Variants in CLVS1 observed in about 807,000 individuals in gnomAD.
CLVS1 encodes the protein clavesin-1.
In CLVS1, 10 loss-of-function variants were observed where a neutral mutation model predicts 33.1. The observed-to-expected ratio is 0.30, with a 90% confidence interval of 0.19 to 0.51. The LOEUF is 0.51. Ranked by LOEUF, CLVS1 falls within the 20% of genes least tolerant of loss-of-function variation. The pLI is 0.97. For synonymous variants in CLVS1, 163 were observed against 166.1 expected (o/e 0.98, Z 0.14); for missense variants, 343 against 433.4 (o/e 0.79, Z 1.85).
intron 2 of CLVS1, among the ~76,000 whole-genome samples, chr8:61,332,952 T>C (rs1306959371): frequency 6.6e-6 from 1 of 152,252 alleles, no homozygotes; most frequent in Non-Finnish European, 1.5e-5. Flanking sequence ...CCAAGCTTCA[T>C]CTTCCATCTT....
At chr8:61,343,967 A>T (rs1812114076) in intron 2 of CLVS1, among the ~76,000 whole-genome samples, 1 of 152,184 alleles carries the variant, frequency 6.6e-6, no homozygotes, top group Non-Finnish European at 1.5e-5. Context: ...AACATGATAT[A>T]CATACATACA....
In CLVS1 at chr8:61,232,025, T is replaced by G. The variant is rs1463430202; in HGVS notation, c.-151-67652T>G. On this transcript the variant is annotated intron_variant, in intron 2 of 2. Coordinates refer to the CLVS1 transcript ENST00000522621. ...AAGGAGCCCTGAGGAAAGTTGTGGT[T>G]TTTTTTTTTTTTTTTTTTTTTTTTT... is the stretch of plus-strand genomic sequence containing the variant. 1.1e-4 allele frequency among the ~76,000 whole-genome samples: 12 copies of G among 105,652 alleles called. 1 individual carries two copies. The highest frequency in any genetic ancestry group is 4.7e-4 in the African/African-American group (12 of 25,364). The allele number at this position is 105,652 out of a possible 152,430, so 69.3% of individuals were successfully genotyped here. A position where few individuals can be genotyped will look rare whatever the true frequency, so the allele number is the denominator to read the frequency against.
intron 2 of CLVS1, chr8:61,203,052 C>T (rs1807770251): frequency 3.1e-6 from 4 of 1,308,374 alleles, no homozygotes; most frequent in Non-Finnish European, 4.4e-6. Context: ...ACTCCTAAAA[C>T]ACCAAAAGGA....
In CLVS1 at chr8:61,500,450, A is replaced by G. The variant is rs1195098565; in HGVS notation, c.*908A>G. On this transcript the variant is annotated 3_prime_UTR_variant, in exon 6 of 6. Transcript: ENST00000325897. ...CTGCAACCATTAAAGATGTGGAGAA[A>G]GACCATGGTTGTTGCTGAGAGGGTA... 2 of 152,204 alleles carry G rather than the reference A, an allele frequency of 1.3e-5. No homozygotes were observed. Among genetic ancestry groups the G allele is most frequent in the Non-Finnish European group, 2.9e-5 (2 of 68,022 alleles). The allele number at this position is 152,204 out of a possible 1,614,324, so 9.4% of individuals were successfully genotyped here.
intron 5 of CLVS1, among the ~76,000 whole-genome samples, chr8:61,468,825 C>T (rs1163755785): frequency 6.6e-6 from 1 of 151,278 alleles, no homozygotes; most frequent in Non-Finnish European, 1.5e-5. Context: ...AAGAGAAACT[C>T]ACAGTCTGAT....
chr8:61,449,697 T>C (rs1008756556), intron 3 of CLVS1, among the ~76,000 whole-genome samples: 6 of 152,200 alleles, frequency 3.9e-5, no homozygotes, highest in Non-Finnish European at 5.9e-5. Flanking sequence ...TCTGCACCAG[T>C]TGGTTTTTCC....
intron 5 of CLVS1, among the ~76,000 whole-genome samples, chr8:61,466,889 T>C (rs1450956535): frequency 1.3e-5 from 2 of 152,154 alleles, no homozygotes; most frequent in East Asian, 1.9e-4. Flanking sequence ...TCTCAGGTGA[T>C]CCACCTGCCT....
In CLVS1 at chr8:61,501,606, A is replaced by G. The variant is rs898678182; in HGVS notation, c.*2064A>G. 6.6e-6 allele frequency: 1 copy of G among 152,192 alleles called. No individual in the cohort carries two copies. The highest frequency in any genetic ancestry group is 2.4e-5 in the African/African-American group (1 of 41,458). The allele number at this position is 152,192 out of a possible 1,614,324, so 9.4% of individuals were successfully genotyped here. ...CCCTTGTCAGTTATTTCCTCTGTTC[A>G]ATAAATACTGAAGGTCACAAACACC... On this transcript the variant is annotated 3_prime_UTR_variant, in exon 6 of 6. Transcript: ENST00000325897.
intron 3 of CLVS1, chr8:61,377,931 A>T (rs1813711425): frequency 6.6e-6 from 1 of 152,166 alleles, no homozygotes; most frequent in African/African-American, 2.4e-5. Context: ...TTGCTTTTGA[A>T]TGTACAGACT....
chr8:61,444,696 C>T (rs1816689268), intron 3 of CLVS1, among the ~76,000 whole-genome samples: 1 of 152,094 alleles, frequency 6.6e-6, no homozygotes, highest in Non-Finnish European at 1.5e-5. Flanking sequence ...CAGGAGGCAG[C>T]GGAGTGAGTA....
chr8:61,427,149 C>T (rs1451400769), intron 3 of CLVS1, among the ~76,000 whole-genome samples: 1 of 152,130 alleles, frequency 6.6e-6, no homozygotes, highest in Non-Finnish European at 1.5e-5. Context: ...TCTTAAAGAA[C>T]TTTAAAGGAG....
At chr8:61,035,604 T>C in the CLVS1 span, among the ~76,000 whole-genome samples, 1 of 152,168 alleles carries the variant, frequency 6.6e-6, no homozygotes, top group Non-Finnish European at 1.5e-5. Context: ...GGAAGCTCTG[T>C]TTAGTGTAAT....
chr8:61,402,079 T>C (rs1368172755), intron 3 of CLVS1, among the ~76,000 whole-genome samples: 6 of 152,082 alleles, frequency 3.9e-5, no homozygotes, highest in Non-Finnish European at 7.4e-5. Context: ...GGTAAATTGA[T>C]GGACAGACAG....
At chr8:61,174,352 C>G (rs1187091908) in intron 2 of CLVS1, among the ~76,000 whole-genome samples, 2 of 152,140 alleles carry the variant, frequency 1.3e-5, no homozygotes, top group Non-Finnish European at 2.9e-5. Flanking sequence ...AGGAGAATCA[C>G]TTGAACCTGG....
At chr8:61,100,372 T>C (rs1323972036) in intron 1 of CLVS1, among the ~76,000 whole-genome samples, 2 of 152,138 alleles carry the variant, frequency 1.3e-5, no homozygotes, top group Admixed American at 6.5e-5. Flanking sequence ...AGTGAATAAG[T>C]CCCAGCACTA....
chr8:61,195,299 GGAGAGAGA>G (rs138426810), intron 2 of CLVS1, among the ~76,000 whole-genome samples: 2 of 150,522 alleles, frequency 1.3e-5, no homozygotes, highest in Non-Finnish European at 3.0e-5. Context: ...AGAGATTGGG[GGAGAGAGA>G]GAGAGAGAGA....
chr8:61,462,262 G>A (rs1817393838), intron 5 of CLVS1, among the ~76,000 whole-genome samples: 1 of 152,168 alleles, frequency 6.6e-6, no homozygotes, highest in Non-Finnish European at 1.5e-5. Context: ...TTCTAGAATG[G>A]CATCCAGAAT....
the CLVS1 span, among the ~76,000 whole-genome samples, chr8:61,003,986 G>T: frequency 2.6e-5 from 4 of 152,172 alleles, no homozygotes; most frequent in South Asian, 2.1e-4. Flanking sequence ...CTCATTTGAG[G>T]GGGTGGCATT....
intron 2 of CLVS1, among the ~76,000 whole-genome samples, chr8:61,196,647 C>A (rs1015246027): frequency 5.9e-5 from 9 of 152,144 alleles, no homozygotes; most frequent in African/African-American, 1.7e-4. Context: ...GACATTATCT[C>A]CAGCTTGAGT....
Sources: allele counts gnomAD v4.1 joint callset (sites outside exome capture counted in the v4.1 genomes callset), GRCh38; gene constraint gnomAD v4.1.1; transcripts MANE v1.5; gene names NCBI Gene and HGNC (gene_info 2026-07-23, HGNC 2026-07-21).